NAV3: variants seen among roughly 807,000 people sequenced by gnomAD.
NAV3 encodes the protein neuron navigator 3, also known as pore membrane and/or filament interacting like protein 1.
In NAV3, 87 loss-of-function variants were observed where a neutral mutation model predicts 244.7. The ratio of observed to expected loss-of-function variants is 0.36; its 90% confidence interval spans 0.30 to 0.42. The LOEUF is 0.42. Among genes scored for constraint, NAV3 ranks in the 20% least tolerant of loss-of-function variants. The pLI, the probability that NAV3 is intolerant of heterozygous loss-of-function variation, is 1.00. For synonymous variants in NAV3, 1,126 were observed against 1,042.2 expected, an observed-to-expected ratio of 1.08 and a Z score of -1.55; for missense variants, 2,663 against 2,893.3, an observed-to-expected ratio of 0.92 and a Z score of 1.83.
At chr12:78,034,179 A>G (rs1326865391) in intron 9 of NAV3, among the ~76,000 whole-genome samples, 6 of 152,158 alleles carry the variant, frequency 3.9e-5, no homozygotes, top group African/African-American at 1.4e-4. Context: ...GTGGTTTATC[A>G]TTGTAGGATG....
intron 1 of NAV3, among the ~76,000 whole-genome samples, chr12:77,860,118 T>C (rs1879042325): frequency 6.6e-6 from 1 of 151,856 alleles, no homozygotes. Context: ...TCTACTTTTG[T>C]AGCCAAACGC....
At chr12:77,673,117 T>C (rs772138777) in intron 2 of NAV3, among the ~76,000 whole-genome samples, 4 of 152,202 alleles carry the variant, frequency 2.6e-5, no homozygotes, top group Admixed American at 1.3e-4. Flanking sequence ...TTTTTAAAAA[T>C]GTTCACACCT....
intron 24 of NAV3, among the ~76,000 whole-genome samples, chr12:78,171,268 C>T (rs1346217084): frequency 2.6e-5 from 4 of 151,596 alleles, no homozygotes; most frequent in East Asian, 3.9e-4. Flanking sequence ...AGCTTATGTT[C>T]TAAATCTTCA....
At chr12:78,128,902 C>A (rs747120397) in intron 18 of NAV3, 36 bp downstream of exon 18, 2 of 1,584,680 alleles carry the variant, frequency 1.3e-6, no homozygotes, top group South Asian at 1.1e-5. Context: ...TGTTTTGTTT[C>A]TTTCACCACC....
At chr12:78,199,242 T>C (rs1227729096) in intron 36 of NAV3, 93 bp from the exon 37 acceptor site, 1 of 1,005,492 alleles carries the variant, frequency 9.9e-7, no homozygotes, top group Non-Finnish European at 1.5e-6. Context: ...TATTGGAAAG[T>C]AATAATGAAT....
intron 2 of NAV3, among the ~76,000 whole-genome samples, chr12:77,662,442 A>T (rs1273991663): frequency 6.6e-6 from 1 of 152,012 alleles, no homozygotes; most frequent in Non-Finnish European, 1.5e-5. Flanking sequence ...TCATTTTTGT[A>T]TATTGATCTT....
At chr12:78,051,311 T>C (rs775511485) in intron 11 of NAV3, among the ~76,000 whole-genome samples, 164 bp downstream of exon 11, 3 of 152,188 alleles carry the variant, frequency 2.0e-5, no homozygotes, top group Non-Finnish European at 2.9e-5. Context: ...TGCTCATTCA[T>C]GGAGAGTAAA....
intron 12 of NAV3, among the ~76,000 whole-genome samples, chr12:78,085,577 A>T (rs1953590528): frequency 6.6e-6 from 1 of 152,140 alleles, no homozygotes; most frequent in Non-Finnish European, 1.5e-5. Flanking sequence ...TGATTGTGAA[A>T]ATGATGAGCA....
rs1565780986 is a variant in NAV3 at position 77,708,398 on chromosome 12, T to A, written c.72+136132T>A. On this transcript the variant is annotated intron_variant, in intron 2 of 8. Coordinates refer to the NAV3 transcript ENST00000550042. The stretch of plus-strand genomic sequence containing the variant: ...TGTGGTATTATTTCTGAGGGCTCTG[T>A]TCTGTTCCATTGATCTATATCTCTG... Among the ~76,000 whole-genome samples the A allele has an allele frequency of 2.0e-5, 3 of 152,208 alleles. No individual in the cohort carries two copies. In the South Asian group the frequency reaches 6.2e-4, roughly 31 times the overall value.
At chr12:78,116,574 A>G (rs1955389342) in intron 12 of NAV3, among the ~76,000 whole-genome samples, 198 bp from the exon 13 acceptor site, 1 of 152,184 alleles carries the variant, frequency 6.6e-6, no homozygotes, top group Admixed American at 6.5e-5. Flanking sequence ...CTTTCCAAAT[A>G]TCAGATAAGG....
chr12:77,952,728 G>T (rs1448511092), intron 3 of NAV3, among the ~76,000 whole-genome samples: 3 of 152,028 alleles, frequency 2.0e-5, no homozygotes, highest in Non-Finnish European at 2.9e-5. Context: ...GCCCAAACTT[G>T]CAATATAAAT....
At chr12:77,619,875 T>C (rs1871295881) in intron 2 of NAV3, among the ~76,000 whole-genome samples, 1 of 151,876 alleles carries the variant, frequency 6.6e-6, no homozygotes, top group African/African-American at 2.4e-5. Flanking sequence ...AAAAAGTCTC[T>C]CTCTCTCACA....
chr12:78,200,474 T>A lies in NAV3; in HGVS notation c.6717T>A (p.Gly2239=), dbSNP rs903487154. 6.5e-7 allele frequency: 1 copy of A among 1,550,206 alleles called. No individual in the cohort carries two copies. ...ATTTTGTTATTTATTTCTTATCAGGTCCCCGACTATTCCTTCCTTGCCCCA... is the reference window on the plus strand; with the variant it reads ...ATTTTGTTATTTATTTCTTATCAGGACCCCGACTATTCCTTCCTTGCCCCA... ...ETHSSSDVTI[G]PRLFLPCPMD... Residue 2239 remains glycine (G), a splice_region_variant and synonymous_variant, in exon 38 of 40, where the codon GGT becomes GGA. Transcript: ENST00000397909.
At chr12:77,838,578 G>T (rs1010177765) in intron 1 of NAV3, among the ~76,000 whole-genome samples, 1 of 151,730 alleles carries the variant, frequency 6.6e-6, no homozygotes, top group African/African-American at 2.4e-5. Flanking sequence ...TTCTTGTGTC[G>T]TAGACATCTT....
intron 2 of NAV3, among the ~76,000 whole-genome samples, chr12:77,613,913 T>C (rs1254994111): frequency 6.6e-6 from 1 of 151,986 alleles, no homozygotes; most frequent in Non-Finnish European, 1.5e-5. Context: ...GAACCCGTGA[T>C]TCTAGTTTTC....
At chr12:77,648,348 G>A (rs1872688856) in intron 2 of NAV3, among the ~76,000 whole-genome samples, 1 of 151,926 alleles carries the variant, frequency 6.6e-6, no homozygotes, top group Non-Finnish European at 1.5e-5. Context: ...TGCTTAATTA[G>A]TTGGGCTCTT....
At chr12:77,613,961 G>T (rs1297569788) in intron 2 of NAV3, among the ~76,000 whole-genome samples, 4 of 151,564 alleles carry the variant, frequency 2.6e-5, no homozygotes, top group Admixed American at 1.3e-4. Flanking sequence ...AACATGAAGT[G>T]TATGATTACG....
At chr12:77,912,301 A>T (rs1045948357) in intron 1 of NAV3, among the ~76,000 whole-genome samples, 1 of 152,108 alleles carries the variant, frequency 6.6e-6, no homozygotes, top group African/African-American at 2.4e-5. Flanking sequence ...AGAGAAAATG[A>T]CATGTAACTA....
At chr12:78,204,065 C>T (rs1208914086) in intron 38 of NAV3, among the ~76,000 whole-genome samples, 4 of 151,848 alleles carry the variant, frequency 2.6e-5, no homozygotes, top group East Asian at 1.9e-4. Context: ...TATTTTTTAT[C>T]CTCTTTTACT....
Sources: gnomAD v4.1 joint callset for allele counts (sites outside exome capture counted in the v4.1 genomes callset) on GRCh38, gnomAD v4.1.1 for gene constraint, MANE v1.5 for transcripts, NCBI Gene and HGNC (gene_info 2026-07-23, HGNC 2026-07-21) for gene names.